C18orf54: variants seen among roughly 807,000 people sequenced by gnomAD.
The protein encoded by C18orf54 is chromosome 18 open reading frame 54.
C18orf54 carries 49 observed loss-of-function variants against 49.3 expected under a neutral mutation model. The observed-to-expected ratio is 0.99, with a 90% CI of 0.79 to 1.26. C18orf54 has a LOEUF of 1.26. Ranked by LOEUF, C18orf54 falls within the 50% of genes most tolerant of loss-of-function variation. The pLI is 0.00. For missense variants in C18orf54, 687 were observed against 620.6 expected (o/e 1.11, Z -1.14); for synonymous variants, 211 against 216.6 (o/e 0.97, Z 0.23).
chr18:54,377,189 C>T lies in C18orf54; in HGVS notation c.1530-985C>T, dbSNP rs534624900. 1.1e-4 allele frequency among the ~76,000 whole-genome samples: 17 copies of T among 152,036 alleles called. 1 individual carries two copies. The highest frequency in any genetic ancestry group is 1.0e-3 in the South Asian group (5 of 4,798). ...CTGGGATGACAGATGCCAGTCACCA[C>T]GCCTGGCTAATTTTCTGTTGTATTT... On this transcript the variant is annotated intron_variant, in intron 8 of 8. Coordinates refer to ENST00000620105, the MANE Select transcript of C18orf54 (RefSeq NM_001288980.2).
At chr18:54,376,065 T>C (rs2144755173) in intron 8 of C18orf54, among the ~76,000 whole-genome samples, 1 of 152,338 alleles carries the variant, frequency 6.6e-6, no homozygotes, top group East Asian at 1.9e-4. Context: ...TTACAAAATA[T>C]TTCCAAAATA....
In C18orf54 at chr18:54,378,300, AT is replaced by A. The variant is rs1238388246; in HGVS notation, c.*60del. The A allele has an allele frequency of 2.4e-5, 35 of 1,437,526 alleles. No homozygotes were observed. The South Asian group carries it at 3.9e-4, about 16-fold the overall frequency. The allele number at this position is 1,437,526 out of a possible 1,614,324, so 89.0% of individuals were successfully genotyped here. A position where few individuals can be genotyped will look rare whatever the true frequency, so the allele number is the denominator to read the frequency against. On this transcript the variant is annotated 3_prime_UTR_variant, in exon 9 of 9. Transcript: ENST00000620105. Reference sequence around the variant, plus strand: ...AATAGTCACCACAGAACAAATAGGCATTTTTTCTATTACTTAAACTGACAAA... The same window carrying A: ...AATAGTCACCACAGAACAAATAGGCATTTTTCTATTACTTAAACTGACAAA...
At chr18:54,371,018 A>C (rs985833533) in intron 6 of C18orf54, among the ~76,000 whole-genome samples, 4 of 151,684 alleles carry the variant, frequency 2.6e-5, no homozygotes, top group African/African-American at 9.7e-5. Context: ...TTACCATTTT[A>C]ATCATTTTTA....
intron 6 of C18orf54, among the ~76,000 whole-genome samples, chr18:54,366,964 A>G (rs1787833): frequency 0.062 from 9,463 of 152,198 alleles, 338 homozygotes; most frequent in African/African-American, 0.079. Flanking sequence ...TTTGTCTCGT[A>G]TAAGTAAAGC....
chr18:54,363,383 T>A (rs2089311146), intron 5 of C18orf54, among the ~76,000 whole-genome samples: 1 of 152,158 alleles, frequency 6.6e-6, no homozygotes. Flanking sequence ...AGTGGCACCA[T>A]CTGGGCTCAC....
rs554481533 is a variant in C18orf54, at chr18:54,379,779, A to G, written c.*1533A>G. On this transcript the variant is annotated 3_prime_UTR_variant, in exon 9 of 9. Coordinates refer to ENST00000620105, the MANE Select transcript of C18orf54 (RefSeq NM_001288980.2). Reference sequence around the variant, plus strand: ...TGTTCTAGGCCTAGAAAAATACACTATTAGACAAGTTCTAAAGAAGGCAAG... The same window carrying G: ...TGTTCTAGGCCTAGAAAAATACACTGTTAGACAAGTTCTAAAGAAGGCAAG... 48 of 152,144 alleles carry G rather than the reference A, an allele frequency of 3.2e-4. No individual in the cohort carries two copies. Among genetic ancestry groups the G allele is most frequent in the East Asian group, 1.9e-3 (10 of 5,180 alleles). The allele number at this position is 152,144 out of a possible 1,614,324, so 9.4% of individuals were successfully genotyped here. A position where few individuals can be genotyped will look rare whatever the true frequency, so the allele number is the denominator to read the frequency against.
intron 2 of C18orf54, among the ~76,000 whole-genome samples, chr18:54,359,473 G>A (rs1375922677): frequency 6.6e-6 from 1 of 152,178 alleles, no homozygotes; most frequent in Non-Finnish European, 1.5e-5. Flanking sequence ...GCTGTGGTAG[G>A]ATGATGTTTT....
chr18:54,358,256 C>G (rs1288845021), intron 1 of C18orf54, among the ~76,000 whole-genome samples, 181 bp downstream of exon 1: 1 of 152,022 alleles, frequency 6.6e-6, no homozygotes, highest in Non-Finnish European at 1.5e-5. Flanking sequence ...TGTGGAGTCT[C>G]TGTGGAAGGA....
chr18:54,369,153 T>C (rs1250966059), intron 6 of C18orf54, among the ~76,000 whole-genome samples: 1 of 152,196 alleles, frequency 6.6e-6, no homozygotes, highest in Non-Finnish European at 1.5e-5. Flanking sequence ...AACCCACATA[T>C]ACTCACATAT....
rs2089658754 is a variant in C18orf54 at position 54,380,912 on chromosome 18, A to C, written c.*2666A>C. 2 of 152,144 alleles carry C rather than the reference A, an allele frequency of 1.3e-5. No individual in the cohort carries two copies. Among genetic ancestry groups the C allele is most frequent in the Non-Finnish European group, 2.9e-5 (2 of 68,000 alleles). The allele number at this position is 152,144 out of a possible 1,614,324, so 9.4% of individuals were successfully genotyped here. ...ATTTTTGGTAGAAGTGCTATCCAGA[A>C]GTGAACTTGTCAAAAGGCAAGTAGC... is the stretch of plus-strand genomic sequence containing the variant. On this transcript the variant is annotated 3_prime_UTR_variant, in exon 9 of 9. Transcript: ENST00000620105.
In C18orf54 at chr18:54,361,874, GA is replaced by G; in HGVS notation, c.516del (p.Tyr174ThrfsTer18). The G allele has an allele frequency of 6.2e-7, 1 of 1,614,020 alleles. No individual in the cohort carries two copies. The highest frequency in any genetic ancestry group is 8.5e-7 in the Non-Finnish European group (1 of 1,179,982). ...ATTGAGAAGAATCCACATTTTCAAGGACCCTACACTTCCATGGGCAAGGATA... is the reference window on the plus strand; with the variant it reads ...ATTGAGAAGAATCCACATTTTCAAGGCCCTACACTTCCATGGGCAAGGATA... ...LDIEKNPHFQ[G>X]PYTSMGKDNF... On this transcript the variant is annotated frameshift_variant, in exon 4 of 9. Coordinates refer to ENST00000620105, the MANE Select transcript of C18orf54 (RefSeq NM_001288980.2). LOFTEE classifies it high-confidence loss of function.
At chr18:54,362,553 T>C (rs370834017) in intron 4 of C18orf54, 122 bp downstream of exon 4, 1 of 937,052 alleles carries the variant, frequency 1.1e-6, no homozygotes, top group African/African-American at 1.7e-5. Context: ...ATACATCTTT[T>C]TGGAATGCTT....
chr18:54,362,527 G>A, intron 4 of C18orf54, 96 bp downstream of exon 4: 2 of 1,132,592 alleles, frequency 1.8e-6, no homozygotes, highest in Non-Finnish European at 1.2e-6. Context: ...GAGCTTTTAT[G>A]TTTTGTTTTC....
At chr18:54,370,033 T>G (rs2089458211) in intron 6 of C18orf54, among the ~76,000 whole-genome samples, 1 of 152,006 alleles carries the variant, frequency 6.6e-6, no homozygotes, top group South Asian at 2.1e-4. Flanking sequence ...ATTTAACACT[T>G]TGGGAGGCCG....
rs2089642432 is a variant in C18orf54, at chr18:54,380,151, A to G, written c.*1905A>G. 1 of 152,070 alleles carries G rather than the reference A, an allele frequency of 6.6e-6. No homozygotes were observed. The highest frequency in any genetic ancestry group is 2.4e-5 in the African/African-American group (1 of 41,450). 9.4% of individuals were successfully genotyped at this position (152,070 alleles called of 1,614,324 possible). On this transcript the variant is annotated 3_prime_UTR_variant, in exon 9 of 9. Coordinates refer to ENST00000620105, the MANE Select transcript of C18orf54 (RefSeq NM_001288980.2). ...GAGAGTCAAGTAAGAAAAATAACGA[A>G]TCTAAGTGATAAACATTCAAGAAAT...
At chr18:54,369,528 G>T (rs573576540) in intron 6 of C18orf54, among the ~76,000 whole-genome samples, 2 of 134,470 alleles carry the variant, frequency 1.5e-5, no homozygotes, top group Non-Finnish European at 3.1e-5. Context: ...GGAGCGCAGT[G>T]GCACAATCTC....
At chr18:54,372,712 CAT>C (rs1157646746) in intron 7 of C18orf54, 115 bp downstream of exon 7, 7 of 971,988 alleles carry the variant, frequency 7.2e-6, no homozygotes, top group Admixed American at 2.8e-5. Flanking sequence ...CCACATTACA[CAT>C]GTTGTAAGTG....
intron 6 of C18orf54, among the ~76,000 whole-genome samples, chr18:54,369,446 A>G (rs1292420276): frequency 6.9e-6 from 1 of 145,350 alleles, no homozygotes; most frequent in Non-Finnish European, 1.5e-5. Flanking sequence ...TACTAACTAG[A>G]TTACATTATT....
intron 6 of C18orf54, among the ~76,000 whole-genome samples, chr18:54,367,942 C>G (rs574208474): frequency 3.0e-4 from 45 of 152,112 alleles, no homozygotes; most frequent in African/African-American, 1.1e-3. Flanking sequence ...TTCGGAGATT[C>G]TTTTGTCTAT....
Sources: allele counts gnomAD v4.1 joint callset (sites outside exome capture counted in the v4.1 genomes callset), GRCh38; gene constraint gnomAD v4.1.1; transcripts MANE v1.5; gene names NCBI Gene and HGNC (gene_info 2026-07-23, HGNC 2026-07-21).